GALNT1: variants seen among roughly 807,000 people sequenced by gnomAD.
GALNT1 encodes GalNAc transferase 1.
Under a neutral mutation model 65.7 loss-of-function variants are expected in GALNT1, and 17 were observed. The ratio of observed to expected loss-of-function variants is 0.26; its 90% confidence interval spans 0.18 to 0.39. The LOEUF is 0.39. GALNT1 is among the 10% of genes least tolerant of loss of function. GALNT1 has a pLI of 1.00. For synonymous variants in GALNT1, 210 were observed against 219.7 expected (o/e 0.96, Z 0.39); for missense variants, 460 against 672.8 (o/e 0.68, Z 3.50).
chr18:35,644,614 C>A (rs1362978270), intron 1 of GALNT1, among the ~76,000 whole-genome samples: 2 of 152,168 alleles, frequency 1.3e-5, no homozygotes, highest in East Asian at 3.8e-4. Flanking sequence ...CACCAATTTT[C>A]TTTGTAGTAG....
Position 35,687,001 on chromosome 18 carries a change from C to T in GALNT1, c.690-15C>T, listed in dbSNP as rs1158570532. The T allele has an allele frequency of 2.5e-6, 4 of 1,596,272 alleles. No individual in the cohort carries two copies. The highest frequency in any genetic ancestry group is 2.6e-6 in the Non-Finnish European group (3 of 1,171,766). On this transcript the variant is annotated splice_polypyrimidine_tract_variant and intron_variant, in intron 5 of 11. Coordinates refer to ENST00000269195, the MANE Select transcript of GALNT1 (RefSeq NM_020474.4). Reference sequence around the variant, plus strand: ...ATGTTTTGAAAGATTTCTTAACTTGCTTTTATGACATCAGGAGAACAGTGG... The same window carrying T: ...ATGTTTTGAAAGATTTCTTAACTTGTTTTTATGACATCAGGAGAACAGTGG...
At chr18:35,636,797 T>G (rs1452815309) in intron 1 of GALNT1, among the ~76,000 whole-genome samples, 48 of 149,744 alleles carry the variant, frequency 3.2e-4, no homozygotes, top group Middle Eastern at 3.4e-3. Context: ...TTTTTTTTTT[T>G]TTTTTTTTTT....
At chr18:35,586,663 G>C (rs1342578706) in intron 1 of GALNT1, among the ~76,000 whole-genome samples, 3 of 152,076 alleles carry the variant, frequency 2.0e-5, no homozygotes, top group African/African-American at 7.2e-5. Context: ...AGTTACTTCA[G>C]CACCATTCCT....
intron 1 of GALNT1, among the ~76,000 whole-genome samples, chr18:35,628,096 G>A (rs975510570): frequency 4.6e-5 from 7 of 152,206 alleles, no homozygotes; most frequent in Non-Finnish European, 8.8e-5. Context: ...GGAACCCACC[G>A]CAGCTCAAGG....
intron 9 of GALNT1, among the ~76,000 whole-genome samples, chr18:35,700,828 A>G (rs1279622728): frequency 6.6e-6 from 1 of 152,104 alleles, no homozygotes; most frequent in Non-Finnish European, 1.5e-5. Flanking sequence ...AAGATAGGCA[A>G]TTATTTAAGC....
intron 4 of GALNT1, among the ~76,000 whole-genome samples, chr18:35,678,754 G>C (rs2047747191): frequency 6.6e-6 from 1 of 152,002 alleles, no homozygotes; most frequent in Non-Finnish European, 1.5e-5. Context: ...CAACTTTCTT[G>C]CCTATTCTCC....
chr18:35,671,692 T>A (rs1014794454), intron 3 of GALNT1, among the ~76,000 whole-genome samples: 2 of 152,232 alleles, frequency 1.3e-5, no homozygotes, highest in African/African-American at 2.4e-5. Flanking sequence ...CAGTTTCAAC[T>A]GGTAAAGTTT....
rs770437485 is a variant in GALNT1 at position 35,703,663 on chromosome 18, A to G, written c.1533+20A>G. The G allele has an allele frequency of 1.2e-6, 2 of 1,610,942 alleles. No homozygotes were observed. The highest frequency in any genetic ancestry group is 1.1e-5 in the South Asian group (1 of 90,214). On this transcript the variant is annotated intron_variant, in intron 11 of 11. Transcript: ENST00000269195. ...CCAGTGGTAAGTTATGCAGTTGCCT[A>G]TAGTAATAAAATTATGTGTGTCACT...
intron 1 of GALNT1, among the ~76,000 whole-genome samples, chr18:35,652,224 A>G (rs1364314479): frequency 6.6e-6 from 1 of 152,210 alleles, no homozygotes; most frequent in Admixed American, 6.5e-5. Context: ...TGCGGGGAAC[A>G]GTAATAGAAA....
At chr18:35,633,047 C>G (rs910040114) in intron 1 of GALNT1, among the ~76,000 whole-genome samples, 3 of 152,210 alleles carry the variant, frequency 2.0e-5, no homozygotes, top group East Asian at 1.9e-4. Context: ...GGAAACAACA[C>G]GTGCTGGAGA....
At chr18:35,629,495 A>C (rs923596362) in intron 1 of GALNT1, among the ~76,000 whole-genome samples, 1 of 152,112 alleles carries the variant, frequency 6.6e-6, no homozygotes, top group Non-Finnish European at 1.5e-5. Flanking sequence ...GAAATAAAAT[A>C]CTTTACAGAC....
At chr18:35,625,858 C>T (rs1215265555) in intron 1 of GALNT1, among the ~76,000 whole-genome samples, 2 of 152,102 alleles carry the variant, frequency 1.3e-5, no homozygotes, top group East Asian at 1.9e-4. Flanking sequence ...CATTAATCTT[C>T]GTGTGATTAA....
chr18:35,707,171 C>T (rs1399596052), intron 11 of GALNT1, among the ~76,000 whole-genome samples: 3 of 152,188 alleles, frequency 2.0e-5, no homozygotes, highest in Admixed American at 6.5e-5. Flanking sequence ...TTTGCTTTGA[C>T]TACTTGTATC....
intron 1 of GALNT1, among the ~76,000 whole-genome samples, chr18:35,603,699 C>G (rs2046609966): frequency 6.6e-6 from 1 of 152,050 alleles, no homozygotes; most frequent in Non-Finnish European, 1.5e-5. Flanking sequence ...TCTCTTCTTC[C>G]CCACTGTGTG....
intron 5 of GALNT1, among the ~76,000 whole-genome samples, chr18:35,685,217 TACAC>T (rs148713538): frequency 2.0e-5 from 3 of 151,990 alleles, no homozygotes; most frequent in Admixed American, 6.6e-5. Flanking sequence ...ACCAGCAATA[TACAC>T]ACACACACGT....
At chr18:35,661,927 A>G (rs2144446780) in intron 2 of GALNT1, among the ~76,000 whole-genome samples, 1 of 152,306 alleles carries the variant, frequency 6.6e-6, no homozygotes, top group East Asian at 1.9e-4. Context: ...ATTTATAATC[A>G]GGGCCACTAG....
intron 1 of GALNT1, among the ~76,000 whole-genome samples, chr18:35,647,719 G>A (rs1568023358): frequency 6.6e-6 from 1 of 152,152 alleles, no homozygotes; most frequent in African/African-American, 2.4e-5. Flanking sequence ...GAGGAGTAAA[G>A]CTAGGATCCA....
chr18:35,680,705 G>T (rs1016091339), intron 4 of GALNT1, among the ~76,000 whole-genome samples: 2 of 152,174 alleles, frequency 1.3e-5, no homozygotes, highest in Non-Finnish European at 2.9e-5. Flanking sequence ...TATGAAGTAG[G>T]TGCTATAATT....
At chr18:35,706,368 G>A (rs973585913) in intron 11 of GALNT1, among the ~76,000 whole-genome samples, 2 of 152,082 alleles carry the variant, frequency 1.3e-5, no homozygotes, top group East Asian at 3.9e-4. Flanking sequence ...CAGGCATGGT[G>A]GCAGGCACCT....
Sources: allele counts gnomAD v4.1 joint callset (sites outside exome capture counted in the v4.1 genomes callset), GRCh38; gene constraint gnomAD v4.1.1; transcripts MANE v1.5; gene names NCBI Gene and HGNC (gene_info 2026-07-23, HGNC 2026-07-21).